The following ESRRG variants were observed in gnomAD, a reference collection of about 807,000 sequenced individuals.
The protein encoded by ESRRG is estrogen-related receptor gamma.
In ESRRG, 13 loss-of-function variants were observed where a neutral mutation model predicts 44.0. That is an observed-to-expected ratio of 0.30 (90% confidence interval 0.19 to 0.47). ESRRG has a LOEUF of 0.47. ESRRG is among the 20% of genes least tolerant of loss of function. The pLI, the probability that ESRRG is intolerant of heterozygous loss-of-function variation, is 1.00. For missense variants in ESRRG, 395 were observed against 580.6 expected (o/e 0.68, Z 3.29); for synonymous variants, 215 against 214.6 (o/e 1.00, Z -0.02).
At position 216,698,093 on chromosome 1, in the gene ESRRG, G is replaced by T. The variant is rs570058024; in HGVS notation, c.57-20602C>A. 2.0e-5 allele frequency among the ~76,000 whole-genome samples: 3 copies of T among 152,240 alleles called. No homozygotes were observed. In the South Asian group the frequency reaches 6.2e-4, roughly 32 times the overall value. On this transcript the variant is annotated intron_variant, in intron 1 of 6. Coordinates refer to ENST00000408911, the MANE Select transcript of ESRRG (RefSeq NM_001438.4). ...CCAGAAGGGAATTAGACATGGCAGG[G>T]ATATTTATTGTTCTTATCCAATGCT...
chr1:216,668,146 T>G (rs943754101), intron 2 of ESRRG, among the ~76,000 whole-genome samples: 1 of 152,118 alleles, frequency 6.6e-6, no homozygotes, highest in Admixed American at 6.6e-5. Context: ...CAGAGGAATA[T>G]GAAACCCATT....
chr1:217,006,730 G>A (rs2077794764), intron 1 of ESRRG, among the ~76,000 whole-genome samples: 1 of 152,028 alleles, frequency 6.6e-6, no homozygotes, highest in Non-Finnish European at 1.5e-5. Context: ...TATTTTGCAA[G>A]AAACAAAGTT....
At chr1:217,002,430 A>C (rs1365472976) in intron 1 of ESRRG, among the ~76,000 whole-genome samples, 4 of 151,956 alleles carry the variant, frequency 2.6e-5, no homozygotes, top group Non-Finnish European at 5.9e-5. Context: ...ATGGGCTTAG[A>C]TTTTATTCCC....
At chr1:217,107,496 T>A (rs1171193372) in intron 1 of ESRRG, among the ~76,000 whole-genome samples, 1 of 152,230 alleles carries the variant, frequency 6.6e-6, no homozygotes, top group African/African-American at 2.4e-5. Flanking sequence ...TTTTCCCCCC[T>A]GGGGTTAGTT....
chr1:216,568,546 T>C (rs946599015), intron 3 of ESRRG, among the ~76,000 whole-genome samples: 6 of 152,040 alleles, frequency 3.9e-5, no homozygotes, highest in African/African-American at 1.4e-4. Context: ...GATGGACCTG[T>C]GGAATTGAGC....
chr1:216,802,219 T>C (rs929313765), intron 2 of ESRRG, among the ~76,000 whole-genome samples: 4 of 151,920 alleles, frequency 2.6e-5, no homozygotes, highest in Non-Finnish European at 4.4e-5. Flanking sequence ...AATTGAGCCA[T>C]ATGGAGGCCA....
intron 2 of ESRRG, among the ~76,000 whole-genome samples, chr1:216,819,800 G>A (rs576331904): frequency 1.3e-5 from 2 of 152,078 alleles, no homozygotes; most frequent in African/African-American, 4.8e-5. Context: ...CACCATTTTA[G>A]AAAATAAAGT....
At chr1:216,679,726 G>A (rs1433022255) in intron 1 of ESRRG, among the ~76,000 whole-genome samples, 2 of 139,270 alleles carry the variant, frequency 1.4e-5, no homozygotes, top group Non-Finnish European at 3.0e-5. Flanking sequence ...CTCTTTTCCT[G>A]TATCTTCCAT....
intron 1 of ESRRG, among the ~76,000 whole-genome samples, chr1:217,031,314 C>T (rs1325144082): frequency 6.6e-6 from 1 of 152,140 alleles, no homozygotes; most frequent in African/African-American, 2.4e-5. Context: ...AAAACATGCA[C>T]TGAGAGAGAA....
intron 1 of ESRRG, among the ~76,000 whole-genome samples, chr1:216,681,101 TG>T: frequency 6.6e-6 from 1 of 152,266 alleles, no homozygotes; most frequent in East Asian, 1.9e-4. Context: ...TCGAAATATG[TG>T]GGAAATATTT....
intron 6 of ESRRG, among the ~76,000 whole-genome samples, chr1:216,513,323 C>G (rs534744217): frequency 3.3e-5 from 5 of 152,204 alleles, no homozygotes; most frequent in African/African-American, 1.2e-4. Flanking sequence ...ATCAAGGAAG[C>G]CTTTCACATA....
chr1:216,877,472 C>T (rs548341655), intron 2 of ESRRG, among the ~76,000 whole-genome samples: 132 of 151,686 alleles, frequency 8.7e-4, no homozygotes, highest in Non-Finnish European at 1.7e-3. Context: ...GGTGCAATCT[C>T]GGCTCAGTGC....
Position 217,055,746 on chromosome 1 carries a change from G to A in ESRRG, c.-106+33761C>T, listed in dbSNP as rs1413278079. The stretch of plus-strand genomic sequence containing the variant: ...CTCAGGTACATTTACACTACATGAG[G>A]CCACCAGAGTCTCCTTTTCAGATCA... On this transcript the variant is annotated intron_variant, in intron 1 of 7. Transcript: ENST00000359162. Among the ~76,000 whole-genome samples, 3 of 132,296 alleles carry A rather than the reference G, an allele frequency of 2.3e-5. No homozygotes were observed. In the Admixed American group the frequency reaches 2.4e-4, roughly 11 times the overall value. 86.8% of individuals were successfully genotyped at this position (132,296 alleles called of 152,430 possible).
At chr1:216,610,464 G>A (rs1009814462) in intron 3 of ESRRG, among the ~76,000 whole-genome samples, 2 of 151,992 alleles carry the variant, frequency 1.3e-5, no homozygotes, top group South Asian at 2.1e-4. Flanking sequence ...TAGCTTTAGC[G>A]TGATAAGACC....
intron 1 of ESRRG, among the ~76,000 whole-genome samples, chr1:216,695,474 T>A (rs1231594037): frequency 6.6e-6 from 1 of 152,228 alleles, no homozygotes; most frequent in Non-Finnish European, 1.5e-5. Flanking sequence ...TACAACTTCA[T>A]GTGAGTCTAT....
intron 1 of ESRRG, among the ~76,000 whole-genome samples, chr1:216,711,239 G>A (rs752187276): frequency 2.6e-5 from 4 of 152,084 alleles, no homozygotes; most frequent in Non-Finnish European, 5.9e-5. Flanking sequence ...TCAAATGGTG[G>A]CTCTGGGATC....
chr1:216,899,524 TAGG>T (rs1457138492), intron 2 of ESRRG, among the ~76,000 whole-genome samples: 1 of 152,200 alleles, frequency 6.6e-6, no homozygotes, highest in Non-Finnish European at 1.5e-5. Context: ...CTAGGACGCT[TAGG>T]AGATCATTTT....
At chr1:216,817,001 C>A (rs973575207) in intron 2 of ESRRG, among the ~76,000 whole-genome samples, 1 of 150,706 alleles carries the variant, frequency 6.6e-6, no homozygotes, top group Non-Finnish European at 1.5e-5. Flanking sequence ...CAAATTTAAA[C>A]AATTTTGTAG....
chr1:216,853,096 A>G lies in ESRRG; in HGVS notation c.-14+86486T>C, dbSNP rs181475716. 2.0e-5 allele frequency among the ~76,000 whole-genome samples: 3 copies of G among 152,324 alleles called. No individual in the cohort carries two copies. In the East Asian group the frequency reaches 5.8e-4, roughly 29 times the overall value. ...ACATGTTAGTCAAGGACACAAACAC[A>G]TATCAAAAATGTTTATACTCTGACA... On this transcript the variant is annotated intron_variant, in intron 2 of 7. Coordinates refer to the ESRRG transcript ENST00000359162.
Sources: allele counts gnomAD v4.1 joint callset (sites outside exome capture counted in the v4.1 genomes callset), GRCh38; gene constraint gnomAD v4.1.1; transcripts MANE v1.5; gene names NCBI Gene and HGNC (gene_info 2026-07-23, HGNC 2026-07-21).